STX18: variants seen among roughly 807,000 people sequenced by gnomAD.
STX18 encodes syntaxin 18, also known as syntaxin-18.
In STX18, 40 loss-of-function variants were observed where a neutral mutation model predicts 50.1. That is an observed-to-expected ratio of 0.80 (90% CI 0.62 to 1.04). The LOEUF (loss-of-function observed/expected upper bound fraction) is 1.04. Ranked by LOEUF, STX18 falls within the 50% of genes least tolerant of loss-of-function variation. STX18 has a pLI of 0.00. For synonymous variants in STX18, 158 were observed against 151.8 expected, an observed-to-expected ratio of 1.04 and a Z score of -0.30; for missense variants, 410 against 415.8, an observed-to-expected ratio of 0.99 and a Z score of 0.12.
At chr4:4,448,479 T>C (rs537274521) in intron 5 of STX18, among the ~76,000 whole-genome samples, 38 of 152,142 alleles carry the variant, frequency 2.5e-4, no homozygotes, top group Non-Finnish European at 4.1e-4. Flanking sequence ...GTAGCTGGAA[T>C]TACAGGAGTG....
chr4:4,506,642 C>T (rs1178687873), intron 1 of STX18, among the ~76,000 whole-genome samples: 4 of 152,106 alleles, frequency 2.6e-5, no homozygotes, highest in East Asian at 1.9e-4. Context: ...CAAGACCCCC[C>T]GTGGATGCCT....
chr4:4,488,928 G>A (rs911062398), intron 1 of STX18, among the ~76,000 whole-genome samples: 3 of 152,042 alleles, frequency 2.0e-5, no homozygotes, highest in Admixed American at 1.3e-4. Context: ...AACTTCAAGC[G>A]GCCCATAGCA....
At chr4:4,506,600 C>A (rs1421296570) in intron 1 of STX18, among the ~76,000 whole-genome samples, 2 of 152,090 alleles carry the variant, frequency 1.3e-5, no homozygotes, top group Admixed American at 6.5e-5. Context: ...AATGGCTATA[C>A]AAAACACACA....
chr4:4,541,549 T>A (rs1433612643), intron 1 of STX18, among the ~76,000 whole-genome samples: 1 of 152,118 alleles, frequency 6.6e-6, no homozygotes, highest in Non-Finnish European at 1.5e-5. Context: ...TCTGAGGATC[T>A]CCTTTCTTGT....
At chr4:4,490,004 G>A (rs1443310506) in intron 1 of STX18, among the ~76,000 whole-genome samples, 2 of 152,020 alleles carry the variant, frequency 1.3e-5, no homozygotes, top group Non-Finnish European at 2.9e-5. Context: ...CAATTAATTA[G>A]GTAAAGCATT....
At chr4:4,426,353 G>A (rs1197355907) in intron 7 of STX18, 1 of 152,212 alleles carries the variant, frequency 6.6e-6, no homozygotes, top group Admixed American at 6.5e-5. Context: ...GAGGCATTCT[G>A]TAAGCAGGAG....
intron 7 of STX18, 69 bp downstream of exon 7, chr4:4,434,701 T>C: frequency 7.6e-7 from 1 of 1,323,182 alleles, no homozygotes; most frequent in South Asian, 1.3e-5. Context: ...TGAGGATGAG[T>C]TTCTCCTTAG....
At chr4:4,500,350 A>G (rs1234648730) in intron 1 of STX18, among the ~76,000 whole-genome samples, 1 of 152,224 alleles carries the variant, frequency 6.6e-6, no homozygotes, top group Admixed American at 6.5e-5. Context: ...TTTAAAAAGG[A>G]TGCTGCACCT....
At chr4:4,491,023 G>A (rs1728915716) in intron 1 of STX18, among the ~76,000 whole-genome samples, 1 of 151,630 alleles carries the variant, frequency 6.6e-6, no homozygotes, top group Non-Finnish European at 1.5e-5. Context: ...TGGTCCAAAT[G>A]TACATTTGTA....
intron 5 of STX18, among the ~76,000 whole-genome samples, chr4:4,442,742 T>C (rs745445743): frequency 1.7e-4 from 26 of 151,676 alleles, no homozygotes; most frequent in Non-Finnish European, 3.2e-4. Context: ...ATGGGAACTC[T>C]TGGTACTTTC....
intron 2 of STX18, among the ~76,000 whole-genome samples, chr4:4,463,010 C>T (rs922530132): frequency 3.9e-5 from 6 of 152,212 alleles, no homozygotes; most frequent in Non-Finnish European, 7.3e-5. Context: ...ACTATTACAT[C>T]GAAAGCTTAA....
intron 1 of STX18, chr4:4,478,112 G>C (rs1240252911): frequency 6.6e-6 from 1 of 152,038 alleles, no homozygotes; most frequent in Non-Finnish European, 1.5e-5. Flanking sequence ...AGCTTAGTTA[G>C]GTCTGAATTT....
intron 1 of STX18, 135 bp downstream of exon 1, chr4:4,541,662 G>A (rs983953667): frequency 1.0e-6 from 1 of 952,404 alleles, no homozygotes; most frequent in Non-Finnish European, 1.5e-6. Context: ...GGGTCTCTGA[G>A]GCCAACTCTT....
intron 2 of STX18, among the ~76,000 whole-genome samples, chr4:4,467,662 TG>T (rs1560178670): frequency 1.5e-5 from 2 of 137,594 alleles, no homozygotes; most frequent in Non-Finnish European, 3.0e-5. Flanking sequence ...GAGGAACAAA[TG>T]AGATAAAATA....
chr4:4,436,741 A>G (rs751416521), intron 6 of STX18, among the ~76,000 whole-genome samples: 1 of 151,776 alleles, frequency 6.6e-6, no homozygotes, highest in Non-Finnish European at 1.5e-5. Context: ...CAGACTCCCT[A>G]CTCTGGCATT....
intron 1 of STX18, among the ~76,000 whole-genome samples, chr4:4,531,534 G>A (rs1417179318): frequency 6.6e-6 from 1 of 152,134 alleles, no homozygotes; most frequent in Non-Finnish European, 1.5e-5. Flanking sequence ...GGCTCTCGAG[G>A]CCTCTGTAAT....
At chr4:4,500,771 C>G (rs564663594) in intron 1 of STX18, among the ~76,000 whole-genome samples, 2 of 152,286 alleles carry the variant, frequency 1.3e-5, no homozygotes, top group South Asian at 4.1e-4. Flanking sequence ...CACGGTGGCT[C>G]ACACCTGTAA....
rs538351073 is a variant in STX18, at chr4:4,422,627, C to T, written c.831+891G>A. On this transcript the variant is annotated intron_variant, in intron 9 of 10. Coordinates refer to ENST00000306200, the MANE Select transcript of STX18 (RefSeq NM_016930.4). ...AAAGAAAAAGAAACTCCCGGTGAGC[C>T]AAGGCAAGGCTCTGCCTATGCTCTG... Among the ~76,000 whole-genome samples, 3 of 152,140 alleles carry T rather than the reference C, an allele frequency of 2.0e-5. No homozygotes were observed. The East Asian group carries it at 5.8e-4, about 29-fold the overall frequency.
At chr4:4,516,645 T>C (rs1730280948) in intron 1 of STX18, among the ~76,000 whole-genome samples, 1 of 152,226 alleles carries the variant, frequency 6.6e-6, no homozygotes, top group African/African-American at 2.4e-5. Context: ...AAAGTAATCT[T>C]AGATACTTGC....
Sources: allele counts gnomAD v4.1 joint callset (sites outside exome capture counted in the v4.1 genomes callset), GRCh38; gene constraint gnomAD v4.1.1; transcripts MANE v1.5; gene names NCBI Gene and HGNC (gene_info 2026-07-23, HGNC 2026-07-21).